The following SOHLH2 variants were observed in gnomAD, a reference collection of about 807,000 sequenced individuals.
SOHLH2 encodes spermatogenesis- and oogenesis-specific basic helix-loop-helix-containing protein 2.
A neutral mutation model predicts 50.4 loss-of-function variants in SOHLH2; 22 were observed. That is an observed-to-expected ratio of 0.44 (90% CI 0.31 to 0.62). SOHLH2 has a LOEUF of 0.62. Ranked by LOEUF, SOHLH2 falls within the 20% of genes least tolerant of loss-of-function variation. The pLI is 0.08. For synonymous variants in SOHLH2, 185 were observed against 187.3 expected (o/e 0.99, Z 0.10); for missense variants, 412 against 504.4 (o/e 0.82, Z 1.76).
At chr13:36,212,117 G>A (rs1869164067) in intron 1 of SOHLH2, among the ~76,000 whole-genome samples, 1 of 152,176 alleles carries the variant, frequency 6.6e-6, no homozygotes, top group African/African-American at 2.4e-5. Context: ...TGCATAGTGG[G>A]AAGTCGGGAG....
At chr13:36,171,919 A>G (rs76601148) in intron 9 of SOHLH2, among the ~76,000 whole-genome samples, 5,277 of 152,330 alleles carry the variant, frequency 0.035, 108 homozygotes, top group South Asian at 0.11. Context: ...GATTACTACT[A>G]TAGAAAAATA....
intron 1 of SOHLH2, among the ~76,000 whole-genome samples, chr13:36,211,481 T>C (rs918822588): frequency 2.0e-5 from 3 of 152,228 alleles, no homozygotes; most frequent in Non-Finnish European, 4.4e-5. Context: ...GCTTACATTC[T>C]AATAGCCCTT....
Position 36,174,785 on chromosome 13 carries a change from A to G in SOHLH2, c.726T>C (p.Leu242=). 1 of 1,612,680 alleles carries G rather than the reference A, an allele frequency of 6.2e-7. No homozygotes were observed. Among genetic ancestry groups the G allele is most frequent in the Non-Finnish European group, 8.5e-7 (1 of 1,179,634 alleles). The change falls in exon 7 of 11, where the codon CTT becomes CTC. Residue 242 remains leucine (L), a synonymous_variant. Transcript: ENST00000379881. The part of the protein sequence containing the change: ...KGRKNDAASV[L]EATVDYVKYI... ...ATTTCACATAATCAACTGTTGCCTCAAGAACTGAAGCCGCATCATTCTTTC... is the reference window on the plus strand; with the variant it reads ...ATTTCACATAATCAACTGTTGCCTCGAGAACTGAAGCCGCATCATTCTTTC...
Position 36,192,042 on chromosome 13 carries a change from T to G in SOHLH2, c.431-148A>C, listed in dbSNP as rs1048354088. 1.1e-5 allele frequency: 10 copies of G among 922,396 alleles called. No individual in the cohort carries two copies. In the East Asian group the frequency reaches 2.7e-4, roughly 25 times the overall value. 57.1% of individuals were successfully genotyped at this position (922,396 alleles called of 1,614,324 possible). A position where few individuals can be genotyped will look rare whatever the true frequency, so the allele number is the denominator to read the frequency against. On this transcript the variant is annotated intron_variant, in intron 4 of 10. Coordinates refer to ENST00000379881, the MANE Select transcript of SOHLH2 (RefSeq NM_017826.3). Reference sequence around the variant, plus strand: ...TATTTTTAAAACTGAAAGCAATTTATAGATTTCTGTGAAATATAAAACCAC... The same window carrying G: ...TATTTTTAAAACTGAAAGCAATTTAGAGATTTCTGTGAAATATAAAACCAC...
At chr13:36,199,141 T>C (rs1393755875) in intron 2 of SOHLH2, among the ~76,000 whole-genome samples, 2 of 152,200 alleles carry the variant, frequency 1.3e-5, no homozygotes, top group Non-Finnish European at 2.9e-5. Context: ...GGGCAGTACA[T>C]GTACAAGACT....
In SOHLH2 at chr13:36,193,786, T is replaced by G; in HGVS notation, c.325+20A>C. On this transcript the variant is annotated intron_variant, in intron 3 of 10. Transcript: ENST00000379881. ...TTCTATTTAGAGAAAAAACAAATAC[T>G]ATATTTAGCAGGTACATACCTTTAA... The G allele has an allele frequency of 6.2e-7, 1 of 1,603,090 alleles. No homozygotes were observed.
intron 1 of SOHLH2, among the ~76,000 whole-genome samples, chr13:36,204,393 GTATTC>G (rs1283258461): frequency 1.3e-5 from 2 of 152,118 alleles, no homozygotes; most frequent in Non-Finnish European, 2.9e-5. Flanking sequence ...CTTTGGTAGA[GTATTC>G]TAATACTTTT....
At chr13:36,173,901 C>A in intron 8 of SOHLH2, 91 bp from the exon 9 acceptor site, 1 of 1,408,216 alleles carries the variant, frequency 7.1e-7, no homozygotes, top group South Asian at 1.3e-5. Flanking sequence ...CATTCAAGTT[C>A]TAAAAACACT....
rs756337129 is a variant in SOHLH2, at chr13:36,214,534, G to C, written c.-8C>G. On this transcript the variant is annotated 5_prime_UTR_variant, in exon 1 of 11. Coordinates refer to ENST00000379881, the MANE Select transcript of SOHLH2 (RefSeq NM_017826.3). ...GATAATTGAGGAAGCCATGGCCGCT[G>C]CGCACGTGCTGGGTCCTGGGGCAGC... 8.7e-6 allele frequency: 14 copies of C among 1,610,476 alleles called. No individual in the cohort carries two copies. Among genetic ancestry groups the C allele is most frequent in the Non-Finnish European group, 1.1e-5 (13 of 1,178,756 alleles).
intron 2 of SOHLH2, among the ~76,000 whole-genome samples, chr13:36,196,744 T>C (rs1387491678): frequency 6.6e-6 from 1 of 152,230 alleles, no homozygotes; most frequent in East Asian, 1.9e-4. Flanking sequence ...ATGTAAGATA[T>C]GGATATATGG....
Position 36,174,871 on chromosome 13 carries a change from T to C in SOHLH2, c.642-2A>G. The C allele has an allele frequency of 6.4e-7, 1 of 1,567,642 alleles. No individual in the cohort carries two copies. Among genetic ancestry groups the C allele is most frequent in the Non-Finnish European group, 8.6e-7 (1 of 1,164,104 alleles). On this transcript the variant is annotated splice_acceptor_variant, in intron 6 of 10. Coordinates refer to ENST00000379881, the MANE Select transcript of SOHLH2 (RefSeq NM_017826.3). LOFTEE classifies it high-confidence loss of function. ...TCACAGCAATATTTGATTCTTTCCCTGGACACAGAATTGCAATACATAAAG... is the reference window on the plus strand; with the variant it reads ...TCACAGCAATATTTGATTCTTTCCCCGGACACAGAATTGCAATACATAAAG...
intron 6 of SOHLH2, chr13:36,183,183 T>C (rs779209856): frequency 2.6e-6 from 1 of 380,320 alleles, no homozygotes; most frequent in South Asian, 2.0e-5. Context: ...GAAGCTGCTA[T>C]GCTTCCTGTA....
rs1175291608 is a variant in SOHLH2 at position 36,191,961 on chromosome 13, C to T, written c.431-67G>A. On this transcript the variant is annotated intron_variant, in intron 4 of 10. Coordinates refer to ENST00000379881, the MANE Select transcript of SOHLH2 (RefSeq NM_017826.3). ...TTAAGGAGATGACGCTAATCAAACA[C>T]ACAAGCCCCAATCCTTAATGCAGTT... 8.9e-5 allele frequency: 137 copies of T among 1,542,794 alleles called. No individual in the cohort carries two copies. The Admixed American group carries it at 2.2e-3, about 25-fold the overall frequency.
intron 2 of SOHLH2, among the ~76,000 whole-genome samples, chr13:36,201,048 C>CTAAA (rs1887887082): frequency 8.9e-5 from 5 of 55,970 alleles, no homozygotes; most frequent in Non-Finnish European, 9.6e-5. Context: ...GACTCTGCCT[C>CTAAA]AAAAAAAAAA....
intron 6 of SOHLH2, among the ~76,000 whole-genome samples, chr13:36,178,872 T>A (rs779473381): frequency 2.0e-5 from 3 of 151,642 alleles, no homozygotes; most frequent in Non-Finnish European, 2.9e-5. Context: ...TATTTTATTC[T>A]ACTTTAAATG....
At chr13:36,196,940 C>T (rs1190386272) in intron 2 of SOHLH2, among the ~76,000 whole-genome samples, 2 of 152,178 alleles carry the variant, frequency 1.3e-5, no homozygotes, top group African/African-American at 4.8e-5. Flanking sequence ...GCTGTTCATT[C>T]ACATTCCCTA....
At chr13:36,206,551 C>A (rs1017994101) in intron 1 of SOHLH2, among the ~76,000 whole-genome samples, 20 of 151,876 alleles carry the variant, frequency 1.3e-4, no homozygotes, top group Non-Finnish European at 2.8e-4. Context: ...ATGAATGTGT[C>A]CTGCATGACA....
At position 36,170,745 on chromosome 13, in the gene SOHLH2, T is replaced by A; in HGVS notation, c.1043A>T (p.Tyr348Phe). Reference sequence around the variant, plus strand: ...CGCTGCACTGGAAATGTGAGTTTTATATGGATCACCAATAGCATTCTCTGA... The same window carrying A: ...CGCTGCACTGGAAATGTGAGTTTTAAATGGATCACCAATAGCATTCTCTGA... ...SASENAIGDP[Y>F]KTHISSAALS... The change falls in exon 10 of 11, where the codon TAT (tyrosine) becomes TTT (phenylalanine). Residue 348 changes from tyrosine (Y) to phenylalanine (F), a missense_variant. Coordinates refer to ENST00000379881, the MANE Select transcript of SOHLH2 (RefSeq NM_017826.3). 1 of 1,614,216 alleles carries A rather than the reference T, an allele frequency of 6.2e-7. No homozygotes were observed.
intron 9 of SOHLH2, 59 bp from the exon 10 acceptor site, chr13:36,170,846 A>G (rs764670470): frequency 1.6e-5 from 25 of 1,570,366 alleles, no homozygotes; most frequent in Non-Finnish European, 2.2e-5. Flanking sequence ...ATTCAGAACG[A>G]CTGTTATTCG....
Sources: allele counts gnomAD v4.1 joint callset (sites outside exome capture counted in the v4.1 genomes callset), GRCh38; gene constraint gnomAD v4.1.1; transcripts MANE v1.5; gene names NCBI Gene and HGNC (gene_info 2026-07-23, HGNC 2026-07-21).